Variants in STAG1 observed in about 807,000 individuals in gnomAD.
The protein encoded by STAG1 is cohesin subunit SA-1.
STAG1 carries 26 observed loss-of-function variants against 170.9 expected under a neutral mutation model. The observed-to-expected ratio is 0.15, with a 90% CI of 0.11 to 0.21. The LOEUF is 0.21. Ranked by LOEUF, STAG1 falls within the 10% of genes least tolerant of loss-of-function variation. The pLI, the probability that STAG1 is intolerant of heterozygous loss-of-function variation, is 1.00. For synonymous variants in STAG1, 514 were observed against 497.7 expected, an observed-to-expected ratio of 1.03 and a Z score of -0.44; for missense variants, 964 against 1,509.5, an observed-to-expected ratio of 0.64 and a Z score of 5.99.
chr3:136,558,300 G>C lies in STAG1; in HGVS notation c.394+10465C>G, dbSNP rs966976815. ...CCAGCTACTAGGGGGGCTGAAACAG[G>C]AGAATCACTTCAACCTGGGAGGTGG... On this transcript the variant is annotated intron_variant, in intron 5 of 33. Transcript: ENST00000383202. Among the ~76,000 whole-genome samples the C allele has an allele frequency of 8.0e-4, 122 of 152,180 alleles. 1 individual carries two copies. The highest frequency in any genetic ancestry group is 2.2e-4 in the Non-Finnish European group (15 of 68,036).
intron 21 of STAG1, among the ~76,000 whole-genome samples, chr3:136,409,019 A>C (rs1034903423): frequency 5.3e-5 from 8 of 152,138 alleles, no homozygotes; most frequent in African/African-American, 1.9e-4. Flanking sequence ...TAATCCCAGC[A>C]CTTTGGGAGG....
rs530886005 is a variant in STAG1, at chr3:136,379,581, T to C, written c.2278-1829A>G. Among the ~76,000 whole-genome samples, 24 of 152,120 alleles carry C rather than the reference T, an allele frequency of 1.6e-4. 1 individual carries two copies. The highest frequency in any genetic ancestry group is 5.8e-4 in the African/African-American group (24 of 41,508). ...AAAATTAGCCGCGTGTGGTGGTGCA[T>C]GCCTGTAATCCCAGCTACTCGGGAG... On this transcript the variant is annotated intron_variant, in intron 22 of 33. Coordinates refer to ENST00000383202, the MANE Select transcript of STAG1 (RefSeq NM_005862.3).
intron 22 of STAG1, among the ~76,000 whole-genome samples, chr3:136,388,525 C>T (rs1262104687): frequency 6.6e-6 from 1 of 152,070 alleles, no homozygotes; most frequent in African/African-American, 2.4e-5. Context: ...CACACCACCA[C>T]GCCCAGCTAA....
intron 1 of STAG1, among the ~76,000 whole-genome samples, chr3:136,641,198 G>T (rs903682590): frequency 2.6e-5 from 4 of 152,104 alleles, no homozygotes; most frequent in Admixed American, 6.6e-5. Flanking sequence ...TAAACAAAAT[G>T]ACAGAAATAG....
chr3:136,752,111 T>A (rs1935293414), intron 1 of STAG1, 84 bp downstream of exon 1: 1 of 153,258 alleles, frequency 6.5e-6, no homozygotes, highest in Non-Finnish European at 1.5e-5. Context: ...CCATCTTGGA[T>A]CGGCGCTTCC....
At chr3:136,659,462 A>G (rs778144972) in intron 1 of STAG1, among the ~76,000 whole-genome samples, 2 of 152,188 alleles carry the variant, frequency 1.3e-5, no homozygotes, top group Non-Finnish European at 2.9e-5. Flanking sequence ...AAGTGACCCG[A>G]GAGTTGCCAT....
intron 10 of STAG1, among the ~76,000 whole-genome samples, chr3:136,476,991 T>C (rs768932878): frequency 3.9e-5 from 6 of 152,192 alleles, no homozygotes; most frequent in Non-Finnish European, 8.8e-5. Context: ...GAAATCTCCT[T>C]TGATTCTGAA....
intron 16 of STAG1, among the ~76,000 whole-genome samples, chr3:136,431,839 AT>A (rs929076109): frequency 1.7e-4 from 26 of 152,002 alleles, no homozygotes; most frequent in African/African-American, 6.3e-4. Context: ...TGCTTTCAAG[AT>A]TTTTTGTCTT....
chr3:136,737,065 A>G, intron 1 of STAG1: 2 of 1,232,254 alleles, frequency 1.6e-6, no homozygotes, highest in Non-Finnish European at 2.4e-6. Flanking sequence ...AGAACCTCAA[A>G]TGGGGTGAAA....
intron 3 of STAG1, among the ~76,000 whole-genome samples, chr3:136,619,178 T>C (rs1477098667): frequency 6.6e-6 from 1 of 151,834 alleles, no homozygotes; most frequent in African/African-American, 2.4e-5. Flanking sequence ...TTGGAAATTA[T>C]TTCAAAATGA....
At chr3:136,632,203 G>A (rs745588976) in intron 1 of STAG1, among the ~76,000 whole-genome samples, 4 of 152,162 alleles carry the variant, frequency 2.6e-5, no homozygotes, top group Non-Finnish European at 4.4e-5. Context: ...ATGGGAAATC[G>A]ATGAGTAGAA....
chr3:136,655,569 C>G (rs535844453), intron 1 of STAG1, among the ~76,000 whole-genome samples: 4 of 152,170 alleles, frequency 2.6e-5, no homozygotes, highest in African/African-American at 9.6e-5. Flanking sequence ...TCCAGGCCAG[C>G]CTGGCCAACA....
At chr3:136,609,846 G>A (rs991186431) in intron 3 of STAG1, among the ~76,000 whole-genome samples, 2 of 151,886 alleles carry the variant, frequency 1.3e-5, no homozygotes, top group East Asian at 1.9e-4. Context: ...AATTGTTGTC[G>A]GAGGCTTTGA....
chr3:136,649,316 T>C (rs778171068), intron 1 of STAG1, among the ~76,000 whole-genome samples: 2 of 151,440 alleles, frequency 1.3e-5, no homozygotes, highest in Non-Finnish European at 2.9e-5. Flanking sequence ...CCATCTCTAC[T>C]AAAAACATAA....
chr3:136,359,124 T>C lies in STAG1; in HGVS notation c.2936+24A>G, dbSNP rs762339050. ...AAATTCAAGTAAATCAGATTCTGCA[T>C]AACAAAGTGTTTATCTCACTCACTT... On this transcript the variant is annotated intron_variant, in intron 27 of 33. Coordinates refer to ENST00000383202, the MANE Select transcript of STAG1 (RefSeq NM_005862.3). 7 of 1,573,086 alleles carry C rather than the reference T, an allele frequency of 4.4e-6. No homozygotes were observed. The East Asian group carries it at 9.1e-5, about 20-fold the overall frequency.
chr3:136,566,767 G>A (rs1489119963), intron 5 of STAG1, among the ~76,000 whole-genome samples: 1 of 152,046 alleles, frequency 6.6e-6, no homozygotes, highest in African/African-American at 2.4e-5. Context: ...TCTTTATAAA[G>A]ACCAAATAAG....
chr3:136,665,136 T>A (rs1430439015), intron 1 of STAG1, among the ~76,000 whole-genome samples: 2 of 152,228 alleles, frequency 1.3e-5, no homozygotes, highest in African/African-American at 4.8e-5. Flanking sequence ...TTCTTTAGTT[T>A]CACAGGTCCA....
chr3:136,647,923 T>A (rs142751941), intron 1 of STAG1, among the ~76,000 whole-genome samples: 1 of 152,238 alleles, frequency 6.6e-6, no homozygotes, highest in Non-Finnish European at 1.5e-5. Context: ...AAGTATTGTA[T>A]GATATTAAGA....
intron 5 of STAG1, among the ~76,000 whole-genome samples, chr3:136,551,206 AGT>A (rs60401463): frequency 0.12 from 5,364 of 44,636 alleles, 315 homozygotes; most frequent in Non-Finnish European, 0.16. Flanking sequence ...GTTGAGAGAG[AGT>A]GAGAGAGAGA....
Sources: gnomAD v4.1 joint callset for allele counts (sites outside exome capture counted in the v4.1 genomes callset) on GRCh38, gnomAD v4.1.1 for gene constraint, MANE v1.5 for transcripts, NCBI Gene and HGNC (gene_info 2026-07-23, HGNC 2026-07-21) for gene names.